Variants in TNFRSF11A observed in about 807,000 individuals in gnomAD.
TNFRSF11A encodes the protein tumor necrosis factor receptor superfamily member 11A.
In TNFRSF11A, 32 loss-of-function variants were observed where a neutral mutation model predicts 55.7. The observed-to-expected ratio is 0.57, with a 90% CI of 0.43 to 0.77. The LOEUF is 0.77. Among genes scored for constraint, TNFRSF11A ranks in the 30% least tolerant of loss-of-function variants. The pLI, the probability that TNFRSF11A is intolerant of heterozygous loss-of-function variation, is 0.00. For missense variants in TNFRSF11A, 753 were observed against 809.8 expected (o/e 0.93, Z 0.85); for synonymous variants, 311 against 331.0 (o/e 0.94, Z 0.65).
rs1021084609 is a variant in TNFRSF11A, at chr18:62,372,743, T to C, written c.1567+3259T>C. Among the ~76,000 whole-genome samples, 4 of 152,206 alleles carry C rather than the reference T, an allele frequency of 2.6e-5. No homozygotes were observed. In the East Asian group the frequency reaches 7.7e-4, roughly 29 times the overall value. On this transcript the variant is annotated intron_variant, in intron 9 of 9. Transcript: ENST00000586569. ...ATACCCAGTGTTTAGCTTCCACTTA[T>C]AAGTGAGAACACGCAGTGTTTGGTT...
rs762842019 is a variant in TNFRSF11A, at chr18:62,383,702, G to C, written c.1568-1049G>C. On this transcript the variant is annotated intron_variant, in intron 9 of 9. Transcript: ENST00000586569. The surrounding 1 kb of genome is among the most constrained non-coding windows in gnomAD (Gnocchi z 4.2). ...ACTTTGTTTGTTTTTCAAAAGGCCC[G>C]TTGCTGAAAGACTGGCCACATCTAG... Among the ~76,000 whole-genome samples the C allele has an allele frequency of 3.9e-5, 6 of 152,126 alleles. No homozygotes were observed. Among genetic ancestry groups the C allele is most frequent in the Non-Finnish European group, 8.8e-5 (6 of 68,018 alleles).
chr18:62,358,811 C>A (rs1909461247), intron 5 of TNFRSF11A, among the ~76,000 whole-genome samples: 2 of 152,026 alleles, frequency 1.3e-5, no homozygotes, highest in South Asian at 4.1e-4. Context: ...TATTAGTTCA[C>A]CAGTTCATGA....
rs1199786319 is a variant in TNFRSF11A at position 62,390,475 on chromosome 18, A to ATC, written c.*5441_*5442insTC. On this transcript the variant is annotated 3_prime_UTR_variant, in exon 10 of 10. Transcript: ENST00000586569. ...CCTCTCCCCGTTTGGGAAGAATAAC[A>ATC]CATTGACCACCGGCTCAGAGGAGGT... 6.6e-6 allele frequency: 1 copy of ATC among 152,212 alleles called. No homozygotes were observed. Among genetic ancestry groups the ATC allele is most frequent in the Non-Finnish European group, 1.5e-5 (1 of 68,050 alleles). The allele number at this position is 152,212 out of a possible 1,614,324, so 9.4% of individuals were successfully genotyped here. A position where few individuals can be genotyped will look rare whatever the true frequency, so the allele number is the denominator to read the frequency against.
In TNFRSF11A at chr18:62,337,623, TG is replaced by T. The variant is rs1157894264; in HGVS notation, c.76-10543del. Among the ~76,000 whole-genome samples, 4 of 152,210 alleles carry T rather than the reference TG, an allele frequency of 2.6e-5. No individual in the cohort carries two copies. In the East Asian group the frequency reaches 7.7e-4, roughly 29 times the overall value. On this transcript the variant is annotated intron_variant, in intron 1 of 9. Transcript: ENST00000586569. ...CGTGCTGTACATTTGGCTTGTTCCC[TG>T]GCTTTAAGCAGGACTCCACTCAAAT...
rs569626029 is a variant in TNFRSF11A, at chr18:62,384,618, G to T, written c.1568-133G>T. On this transcript the variant is annotated intron_variant, in intron 9 of 9. Coordinates refer to ENST00000586569, the MANE Select transcript of TNFRSF11A (RefSeq NM_003839.4). ...GCCTCAGTGGGCCTGGAGGGTTACA[G>T]TGTGGTTCCCTGTGGCCCCGGGCTG... 1.1e-5 allele frequency: 11 copies of T among 1,024,238 alleles called. No individual in the cohort carries two copies. In the Admixed American group the frequency reaches 2.3e-4, roughly 21 times the overall value. 63.4% of individuals were successfully genotyped at this position (1,024,238 alleles called of 1,614,324 possible).
In TNFRSF11A at chr18:62,384,977, G is replaced by T; in HGVS notation, c.1794G>T (p.Leu598=). The stretch of plus-strand genomic sequence containing the variant: ...ACCCGTGCGGCGGCCCCGAGGGGCT[G>T]CGGGAGCCGGAGAAGGCCTCGAGGC... ...FPDPCGGPEG[L]REPEKASRPV... The change falls in exon 10 of 10, where the codon CTG becomes CTT. Residue 598 remains leucine (L), a synonymous_variant. Transcript: ENST00000586569. 6.8e-7 allele frequency: 1 copy of T among 1,472,970 alleles called. No homozygotes were observed. 91.2% of individuals were successfully genotyped at this position (1,472,970 alleles called of 1,614,324 possible).
intron 3 of TNFRSF11A, among the ~76,000 whole-genome samples, chr18:62,351,937 CAG>C (rs1254810196): frequency 6.6e-6 from 1 of 152,202 alleles, no homozygotes; most frequent in Non-Finnish European, 1.5e-5. Flanking sequence ...GCTGGGATTA[CAG>C]GCACGTGCCA....
intron 9 of TNFRSF11A, among the ~76,000 whole-genome samples, chr18:62,373,308 A>G (rs1910679297): frequency 6.6e-6 from 1 of 152,222 alleles, no homozygotes; most frequent in South Asian, 2.1e-4. Context: ...AAATAAAAAA[A>G]ATTAGCTGGG....
In TNFRSF11A at chr18:62,370,746, T is replaced by G. The variant is rs550519407; in HGVS notation, c.1567+1262T>G. Among the ~76,000 whole-genome samples the G allele has an allele frequency of 4.3e-4, 66 of 152,390 alleles. 1 individual carries two copies. Among genetic ancestry groups the G allele is most frequent in the Non-Finnish European group, 7.9e-4 (54 of 68,046 alleles). On this transcript the variant is annotated intron_variant, in intron 9 of 9. Coordinates refer to ENST00000586569, the MANE Select transcript of TNFRSF11A (RefSeq NM_003839.4). ...TTCTTCTCAGAAGATCTCAGAATTG[T>G]TCTTATTTTTTAAGATTGTAAGGAA...
intron 4 of TNFRSF11A, among the ~76,000 whole-genome samples, chr18:62,357,210 C>T (rs1909322912): frequency 6.6e-6 from 1 of 152,128 alleles, no homozygotes; most frequent in South Asian, 2.1e-4. Context: ...GAAAGTAAAT[C>T]ACAGAAGTGC....
intron 9 of TNFRSF11A, among the ~76,000 whole-genome samples, chr18:62,380,435 A>ATTTTT (rs577681535): frequency 1.5e-5 from 2 of 136,360 alleles, no homozygotes; most frequent in African/African-American, 2.8e-5. Context: ...ACGGTCAGGA[A>ATTTTT]TTTTTTTTTT....
intron 7 of TNFRSF11A, among the ~76,000 whole-genome samples, chr18:62,365,137 T>C (rs1030213813): frequency 6.6e-6 from 1 of 151,922 alleles, no homozygotes; most frequent in Non-Finnish European, 1.5e-5. Context: ...ATTTTTGTAT[T>C]TTTTTATAGA....
chr18:62,332,904 G>A (rs528741876), intron 1 of TNFRSF11A, among the ~76,000 whole-genome samples: 20 of 152,274 alleles, frequency 1.3e-4, no homozygotes, highest in African/African-American at 3.6e-4. Context: ...CCCATTCTTC[G>A]TTCCCACGGA....
intron 1 of TNFRSF11A, among the ~76,000 whole-genome samples, chr18:62,334,618 A>G (rs2046203089): frequency 6.6e-6 from 1 of 152,164 alleles, no homozygotes; most frequent in Admixed American, 6.5e-5. Context: ...AATTATAGCT[A>G]ATCTGGGGAC....
intron 7 of TNFRSF11A, among the ~76,000 whole-genome samples, chr18:62,363,084 T>G (rs1909812535): frequency 6.6e-6 from 1 of 152,088 alleles, no homozygotes; most frequent in Non-Finnish European, 1.5e-5. Context: ...CCTCAGGTGA[T>G]CCACTGGCCT....
At chr18:62,368,502 T>C (rs933046033) in intron 8 of TNFRSF11A, among the ~76,000 whole-genome samples, 199 bp from the exon 9 acceptor site, 4 of 147,992 alleles carry the variant, frequency 2.7e-5, no homozygotes, top group Admixed American at 6.6e-5. Flanking sequence ...TACATTCATT[T>C]GTTTCTAGTT....
At chr18:62,348,329 A>G in intron 2 of TNFRSF11A, 80 bp downstream of exon 2, 3 of 1,327,162 alleles carry the variant, frequency 2.3e-6, no homozygotes, top group Non-Finnish European at 3.2e-6. Flanking sequence ...CTGCCAGATG[A>G]AAAAAAGAAA....
At chr18:62,342,647 T>C (rs535491341) in intron 1 of TNFRSF11A, among the ~76,000 whole-genome samples, 1 of 152,244 alleles carries the variant, frequency 6.6e-6, no homozygotes, top group South Asian at 2.1e-4. Context: ...GAGATAAATT[T>C]AGCTGGAGAA....
rs527249928 is a variant in TNFRSF11A, at chr18:62,386,717, C to T, written c.*1683C>T. 2.0e-5 allele frequency: 3 copies of T among 152,226 alleles called. No individual in the cohort carries two copies. Among genetic ancestry groups the T allele is most frequent in the Non-Finnish European group, 4.4e-5 (3 of 68,058 alleles). 9.4% of individuals were successfully genotyped at this position (152,226 alleles called of 1,614,324 possible). On this transcript the variant is annotated 3_prime_UTR_variant, in exon 10 of 10. Coordinates refer to ENST00000586569, the MANE Select transcript of TNFRSF11A (RefSeq NM_003839.4). ...ATGACTGTGGATCACTGGTTTTTCC[C>T]TCCTGCTGGAAATGCTGGGGTGGTA...
Sources: gnomAD v4.1 joint callset for allele counts (sites outside exome capture counted in the v4.1 genomes callset) on GRCh38, gnomAD v4.1.1 for gene constraint, Gnocchi (gnomAD v3.1) non-coding constraint, MANE v1.5 for transcripts, NCBI Gene and HGNC (gene_info 2026-07-23, HGNC 2026-07-21) for gene names.